GAGE10: variants seen among roughly 807,000 people sequenced by gnomAD.
GAGE10 encodes the protein G antigen 10.
GAGE10 carries 9 observed loss-of-function variants against 11.5 expected under a neutral mutation model. That is an observed-to-expected ratio of 0.78 (90% CI 0.47 to 1.37). GAGE10 has a LOEUF of 1.37. Among genes scored for constraint, GAGE10 ranks in the 40% most tolerant of loss-of-function variants. GAGE10 has a pLI of 0.00. For synonymous variants in GAGE10, 23 were observed against 29.7 expected (o/e 0.77, Z 0.73); for missense variants, 83 against 92.9 (o/e 0.89, Z 0.44).
chrX:49,317,099 A>G (rs2147989293), intron 3 of GAGE10, 64 bp from the exon 4 acceptor site: 23 of 1,092,525 alleles, frequency 2.1e-5, no homozygotes, highest in Non-Finnish European at 2.9e-5. Context: ...GAGCATGAAT[A>G]TTATTTTCTT....
At chrX:49,306,101 A>G (rs2066355892) in intron 3 of GAGE10, among the ~76,000 whole-genome samples, 1 of 112,282 alleles carries the variant, frequency 8.9e-6, no homozygotes, top group Non-Finnish European at 1.9e-5. Flanking sequence ...GTTATTTTCT[A>G]AGTGGCTTTT....
chrX:49,312,879 T>G (rs1370666322), intron 3 of GAGE10, among the ~76,000 whole-genome samples: 5 of 112,436 alleles, frequency 4.4e-5, no homozygotes, highest in Non-Finnish European at 9.4e-5. Context: ...CCATCGCCCA[T>G]GCTGTTTTTG....
At chrX:49,309,191 A>C (rs1305739903) in intron 3 of GAGE10, among the ~76,000 whole-genome samples, 2 of 111,887 alleles carry the variant, frequency 1.8e-5, no homozygotes, top group African/African-American at 6.5e-5. Flanking sequence ...AGTGAGAGTG[A>C]AAGTGCGCCA....
rs1436638612 is a variant in GAGE10, at chrX:49,306,123, A to G, written c.202+599A>G. The stretch of plus-strand genomic sequence containing the variant: ...TCTAAGTGGCTTTTAGGAGGTGATT[A>G]AATCCTTTTATGGTTAGAAAAAGCA... On this transcript the variant is annotated intron_variant, in intron 3 of 4. Transcript: ENST00000407599. 5.3e-5 allele frequency among the ~76,000 whole-genome samples: 6 copies of G among 112,401 alleles called. No homozygotes were observed. The East Asian group carries it at 1.7e-3, about 31-fold the overall frequency.
intron 3 of GAGE10, among the ~76,000 whole-genome samples, chrX:49,312,985 C>G (rs2066380440): frequency 8.9e-6 from 1 of 112,375 alleles, no homozygotes; most frequent in Admixed American, 9.4e-5. Context: ...TGAGAACCTG[C>G]TTGTAGAGTT....
chrX:49,317,520 G>C (rs1342235148), intron 4 of GAGE10, among the ~76,000 whole-genome samples: 2 of 111,262 alleles, frequency 1.8e-5, no homozygotes, highest in African/African-American at 6.5e-5. Flanking sequence ...GCTAATTTTT[G>C]TATTTTTAGT....
At chrX:49,315,807 T>C (rs1233716799) in intron 3 of GAGE10, among the ~76,000 whole-genome samples, 1 of 111,955 alleles carries the variant, frequency 8.9e-6, no homozygotes, top group Non-Finnish European at 1.9e-5. Flanking sequence ...TTCAAAACTC[T>C]CATTGGTGGG....
At chrX:49,316,575 A>G (rs782500421) in intron 3 of GAGE10, among the ~76,000 whole-genome samples, 1 of 111,734 alleles carries the variant, frequency 8.9e-6, no homozygotes, top group Admixed American at 9.6e-5. Flanking sequence ...TTTTATTGAT[A>G]GAATTCCTTT....
In GAGE10 at chrX:49,306,657, T is replaced by C. The variant is rs148544800; in HGVS notation, c.202+1133T>C. Among the ~76,000 whole-genome samples the C allele has an allele frequency of 8.3e-4, 93 of 111,588 alleles. 1 individual carries two copies. Among genetic ancestry groups the C allele is most frequent in the Non-Finnish European group, 1.5e-3 (78 of 53,171 alleles). On this transcript the variant is annotated intron_variant, in intron 3 of 4. Transcript: ENST00000407599. Reference sequence around the variant, plus strand: ...GTACTCTATGGCTGAATATAAGCATTATACATGTCCTGTGGTTTATCCTTA... The same window carrying C: ...GTACTCTATGGCTGAATATAAGCATCATACATGTCCTGTGGTTTATCCTTA...
chrX:49,313,453 A>G (rs1557124921), intron 3 of GAGE10, among the ~76,000 whole-genome samples: 3 of 111,981 alleles, frequency 2.7e-5, no homozygotes, highest in Admixed American at 9.4e-5. Context: ...TAATCAAATT[A>G]GAGGGGATTT....
intron 3 of GAGE10, among the ~76,000 whole-genome samples, chrX:49,313,873 G>T (rs2147987893): frequency 8.9e-6 from 1 of 111,851 alleles, no homozygotes; most frequent in South Asian, 3.8e-4. Flanking sequence ...ACCAGAGGCT[G>T]GTCAGTCTAC....
At chrX:49,309,394 T>C (rs2066368558) in intron 3 of GAGE10, among the ~76,000 whole-genome samples, 1 of 111,830 alleles carries the variant, frequency 8.9e-6, no homozygotes, top group African/African-American at 3.3e-5. Context: ...AAATTGGCCA[T>C]GTGTTTTAAG....
intron 1 of GAGE10, among the ~76,000 whole-genome samples, chrX:49,304,499 G>C (rs1247960617): frequency 8.9e-6 from 1 of 112,921 alleles, no homozygotes; most frequent in Non-Finnish European, 1.9e-5. Context: ...CCAGTTACTC[G>C]GGACGCTGAG....
chrX:49,317,247 T>C lies in GAGE10; in HGVS notation c.287T>C (p.Met96Thr), dbSNP rs1557125380. ...ECGDGPDGQE[M>T]GLPNPEEVKR... ...GGAGATGGTCCTGATGGCCAGGAGA[T>C]GGGCCTGCCAAATCCAGAGGAGGTG... The change falls in exon 4 of 5, where the codon ATG (methionine) becomes ACG (threonine). Residue 96 changes from methionine (M) to threonine (T), a missense_variant. Transcript: ENST00000407599. The C allele has an allele frequency of 3.3e-6, 4 of 1,208,154 alleles. No homozygotes were observed. Among genetic ancestry groups the C allele is most frequent in the Non-Finnish European group, 4.5e-6 (4 of 893,199 alleles).
chrX:49,309,240 C>T (rs1453737949), intron 3 of GAGE10, among the ~76,000 whole-genome samples: 4 of 111,698 alleles, frequency 3.6e-5, no homozygotes, highest in Non-Finnish European at 5.7e-5. Context: ...GAAACCAACT[C>T]CTTTGGAGTG....
chrX:49,309,536 C>T (rs1314482196), intron 3 of GAGE10, among the ~76,000 whole-genome samples: 1 of 112,216 alleles, frequency 8.9e-6, no homozygotes, highest in African/African-American at 3.2e-5. Flanking sequence ...ACCAGCTGCT[C>T]TGACGGCTAC....
chrX:49,306,553 A>T (rs1557124176), intron 3 of GAGE10, among the ~76,000 whole-genome samples: 1 of 112,314 alleles, frequency 8.9e-6, no homozygotes, highest in Non-Finnish European at 1.9e-5. Context: ...GATCCTTCAG[A>T]AATTGACATT....
chrX:49,317,641 C>T (rs1425906570), intron 4 of GAGE10, among the ~76,000 whole-genome samples: 12 of 77,698 alleles, frequency 1.5e-4, no homozygotes, highest in African/African-American at 3.2e-4. Context: ...AGCCACCATA[C>T]GCGACCAAGG....
intron 3 of GAGE10, among the ~76,000 whole-genome samples, chrX:49,315,087 T>G (rs782140058): frequency 2.1e-4 from 23 of 111,854 alleles, no homozygotes; most frequent in Admixed American, 3.8e-4. Context: ...CTCTCGGTTC[T>G]CTACTCTAAG....
Sources: allele counts gnomAD v4.1 joint callset (sites outside exome capture counted in the v4.1 genomes callset), GRCh38; gene constraint gnomAD v4.1.1; transcripts MANE v1.5; gene names NCBI Gene and HGNC (gene_info 2026-07-23, HGNC 2026-07-21).